SSH2: variants seen among roughly 807,000 people sequenced by gnomAD.
SSH2 encodes slingshot protein phosphatase 2.
In SSH2, 37 loss-of-function variants were observed where a neutral mutation model predicts 135.2. The observed-to-expected ratio is 0.27, with a 90% CI of 0.21 to 0.36. The LOEUF is 0.36. Ranked by LOEUF, SSH2 falls within the 10% of genes least tolerant of loss-of-function variation. The probability of loss-of-function intolerance (pLI) is 1.00; values close to 1 mark genes in which losing one functional copy is unlikely to be tolerated. For synonymous variants in SSH2, 628 were observed against 646.2 expected (o/e 0.97, Z 0.43); for missense variants, 1,408 against 1,765.3 (o/e 0.80, Z 3.63).
intron 2 of SSH2, among the ~76,000 whole-genome samples, chr17:29,813,692 C>T (rs574509794): frequency 3.4e-4 from 52 of 151,558 alleles, no homozygotes; most frequent in Admixed American, 2.8e-3. Flanking sequence ...GTGGCAGGTG[C>T]CTGTAATCCC....
intron 3 of SSH2, among the ~76,000 whole-genome samples, chr17:29,712,332 G>A (rs897663728): frequency 3.3e-5 from 5 of 152,110 alleles, no homozygotes; most frequent in African/African-American, 1.2e-4. Context: ...AATAGAATGG[G>A]GGGCAGTTTT....
At chr17:29,803,953 T>C (rs2042295498) in intron 2 of SSH2, among the ~76,000 whole-genome samples, 1 of 152,172 alleles carries the variant, frequency 6.6e-6, no homozygotes, top group African/African-American at 2.4e-5. Context: ...CCAGAGTGAA[T>C]ACCTAGGCAC....
intron 14 of SSH2, among the ~76,000 whole-genome samples, chr17:29,641,358 C>T (rs1056961737): frequency 3.9e-5 from 6 of 152,164 alleles, no homozygotes; most frequent in African/African-American, 9.7e-5. Flanking sequence ...ATTTTAAACT[C>T]GGCCGACTCC....
chr17:29,923,104 G>T (rs975866924), intron 1 of SSH2, among the ~76,000 whole-genome samples: 1 of 152,106 alleles, frequency 6.6e-6, no homozygotes, highest in African/African-American at 2.4e-5. Flanking sequence ...TAGCGACAGG[G>T]TTTCACCATG....
chr17:29,682,648 A>C (rs1001070166), intron 6 of SSH2, among the ~76,000 whole-genome samples: 2 of 152,078 alleles, frequency 1.3e-5, no homozygotes, highest in African/African-American at 4.8e-5. Context: ...GAGAAAAGGA[A>C]GGAAGATGAA....
chr17:29,844,266 G>C (rs1484976358), intron 2 of SSH2, among the ~76,000 whole-genome samples: 1 of 152,118 alleles, frequency 6.6e-6, no homozygotes, highest in African/African-American at 2.4e-5. Context: ...GGTTGGGTAG[G>C]GGTTGGGGTG....
chr17:29,742,993 G>A (rs553855873), intron 3 of SSH2, among the ~76,000 whole-genome samples: 3 of 145,314 alleles, frequency 2.1e-5, no homozygotes, highest in South Asian at 4.4e-4. Context: ...GTTCAGTAGC[G>A]TGATATCAGC....
chr17:29,734,047 C>T (rs991156388), intron 3 of SSH2, among the ~76,000 whole-genome samples: 5 of 151,836 alleles, frequency 3.3e-5, no homozygotes, highest in Middle Eastern at 6.8e-3. Context: ...GCTTCCCAAG[C>T]AGCTGGGACT....
chr17:29,896,780 T>C (rs2066453454), intron 1 of SSH2, among the ~76,000 whole-genome samples: 2 of 151,896 alleles, frequency 1.3e-5, no homozygotes, highest in East Asian at 1.9e-4. Context: ...TACAAGCAAT[T>C]CATCCACTAT....
Position 29,652,745 on chromosome 17 carries a change from G to A in SSH2, c.1080-1945C>T, listed in dbSNP as rs552745137. On this transcript the variant is annotated intron_variant, in intron 12 of 15. Transcript: ENST00000540801. ...ACGATCTTGGCTCTCTGCAACCTCC[G>A]CCTCCCCGTTCAAGCAATTCTCCTG... Among the ~76,000 whole-genome samples, 46 of 151,982 alleles carry A rather than the reference G, an allele frequency of 3.0e-4. No individual in the cohort carries two copies. The South Asian group carries it at 4.0e-3, about 13-fold the overall frequency.
At chr17:29,696,963 C>T (rs904983251) in intron 4 of SSH2, among the ~76,000 whole-genome samples, 4 of 151,474 alleles carry the variant, frequency 2.6e-5, no homozygotes, top group South Asian at 2.1e-4. Flanking sequence ...GGATTACAGG[C>T]GTGAGCCACA....
At chr17:29,912,512 A>C (rs2066783374) in intron 1 of SSH2, among the ~76,000 whole-genome samples, 1 of 152,212 alleles carries the variant, frequency 6.6e-6, no homozygotes, top group South Asian at 2.1e-4. Context: ...GAATGGCTTG[A>C]AGCCAGGAGT....
At chr17:29,671,815 G>T in intron 9 of SSH2, 120 bp downstream of exon 9, 1 of 833,670 alleles carries the variant, frequency 1.2e-6, no homozygotes, top group Non-Finnish European at 1.9e-6. Context: ...TATTCACAAT[G>T]ACTAATATTC....
chr17:29,907,448 A>G (rs1223661080), intron 1 of SSH2, among the ~76,000 whole-genome samples: 1 of 152,230 alleles, frequency 6.6e-6, no homozygotes, highest in African/African-American at 2.4e-5. Flanking sequence ...GCAAACCATC[A>G]TGGTACATGT....
At chr17:29,670,646 C>T (rs940284311) in intron 9 of SSH2, among the ~76,000 whole-genome samples, 3 of 152,082 alleles carry the variant, frequency 2.0e-5, no homozygotes, top group South Asian at 4.1e-4. Flanking sequence ...TGGTGGCATG[C>T]GCCTGTAATC....
At chr17:29,744,314 G>A (rs1480661727) in intron 3 of SSH2, among the ~76,000 whole-genome samples, 2 of 152,180 alleles carry the variant, frequency 1.3e-5, no homozygotes, top group East Asian at 1.9e-4. Flanking sequence ...CCCAAGATGG[G>A]CTGGGGTCCC....
intron 13 of SSH2, 143 bp from the exon 14 acceptor site, chr17:29,648,487 A>T (rs1413927920): frequency 7.8e-6 from 5 of 638,896 alleles, no homozygotes; most frequent in Non-Finnish European, 1.3e-5. Context: ...GTACACTCAT[A>T]TACATTTATA....
At chr17:29,807,888 A>G (rs1474071551) in intron 2 of SSH2, among the ~76,000 whole-genome samples, 1 of 145,460 alleles carries the variant, frequency 6.9e-6, no homozygotes, top group Admixed American at 7.0e-5. Flanking sequence ...GCCAATCGAG[A>G]AAAGTTAGGT....
intron 11 of SSH2, among the ~76,000 whole-genome samples, chr17:29,663,788 C>T (rs978612589): frequency 2.0e-5 from 3 of 152,262 alleles, no homozygotes; most frequent in Middle Eastern, 3.4e-3. Context: ...ATCCATATAA[C>T]GTACAACACC....
Sources: allele counts gnomAD v4.1 joint callset (sites outside exome capture counted in the v4.1 genomes callset), GRCh38; gene constraint gnomAD v4.1.1; transcripts MANE v1.5; gene names NCBI Gene and HGNC (gene_info 2026-07-23, HGNC 2026-07-21).